The following ANO2 variants were observed in gnomAD, a reference collection of about 807,000 sequenced individuals.
ANO2 encodes anoctamin 2.
A neutral mutation model predicts 124.2 loss-of-function variants in ANO2; 101 were observed. That is an observed-to-expected ratio of 0.81 (90% CI 0.69 to 0.96). ANO2 has a LOEUF of 0.96. ANO2 is among the 40% of genes least tolerant of loss of function. ANO2 has a pLI of 0.00. For missense variants in ANO2, 1,293 were observed against 1,274.5 expected (o/e 1.01, Z -0.22); for synonymous variants, 486 against 482.5 (o/e 1.01, Z -0.09).
In ANO2 at chr12:5,633,777, C is replaced by A. The variant is rs188144565; in HGVS notation, c.1816+1375G>T. Among the ~76,000 whole-genome samples, 789 of 152,274 alleles carry A rather than the reference C, an allele frequency of 5.2e-3. 23 individuals carry two copies. Among genetic ancestry groups the A allele is most frequent in the Admixed American group, 0.043 (654 of 15,298 alleles). ...TGGTGTTTAGCTTGACCAAGACTCT[C>A]CCAACCACCCAAGTGGCTCATTTGC... is the stretch of plus-strand genomic sequence containing the variant. On this transcript the variant is annotated intron_variant, in intron 16 of 24. Coordinates refer to ENST00000682330, the MANE Select transcript of ANO2 (RefSeq NM_001364791.2).
chr12:5,818,530 G>A (rs1854950227), intron 7 of ANO2, among the ~76,000 whole-genome samples: 1 of 122,780 alleles, frequency 8.1e-6, no homozygotes. Flanking sequence ...TATCCTATTA[G>A]TTCTGTCCCT....
Position 5,905,195 on chromosome 12 carries a change from T to C in ANO2, c.534+15845A>G, listed in dbSNP as rs185063620. On this transcript the variant is annotated intron_variant, in intron 3 of 24. Coordinates refer to ENST00000682330, the MANE Select transcript of ANO2 (RefSeq NM_001364791.2). Reference sequence around the variant, plus strand: ...GAATTGAAGGGAGCACCAGGTGCTGTTGCGTGTTAGGGCCGTGTGGCACCT... The same window carrying C: ...GAATTGAAGGGAGCACCAGGTGCTGCTGCGTGTTAGGGCCGTGTGGCACCT... Among the ~76,000 whole-genome samples, 80 of 152,230 alleles carry C rather than the reference T, an allele frequency of 5.3e-4. No individual in the cohort carries two copies. In the East Asian group the frequency reaches 5.8e-3, roughly 11 times the overall value.
At chr12:5,587,965 CCT>C (rs1943203381) in intron 20 of ANO2, among the ~76,000 whole-genome samples, 1 of 152,230 alleles carries the variant, frequency 6.6e-6, no homozygotes, top group Non-Finnish European at 1.5e-5. Context: ...CCGTTGAGGA[CCT>C]GCCCCACCAT....
At chr12:5,812,961 A>AGG (rs1555168086) in intron 7 of ANO2, among the ~76,000 whole-genome samples, 1 of 58,098 alleles carries the variant, frequency 1.7e-5, no homozygotes. Context: ...AAGAAGGAAG[A>AGG]GAGGGAGGGA....
intron 1 of ANO2, among the ~76,000 whole-genome samples, chr12:5,926,214 C>T (rs2136310700): frequency 6.6e-6 from 1 of 152,298 alleles, no homozygotes; most frequent in Non-Finnish European, 1.5e-5. Context: ...AAACTTTACC[C>T]CTGAAATGTC....
intron 3 of ANO2, among the ~76,000 whole-genome samples, 158 bp downstream of exon 3, chr12:5,920,882 T>A (rs11610207): frequency 0.15 from 22,886 of 151,602 alleles, 1,965 homozygotes; most frequent in Middle Eastern, 0.2. Flanking sequence ...AAATTTTTTT[T>A]AAAAAAAGAA....
chr12:5,726,069 GA>G (rs1034658425), intron 14 of ANO2, among the ~76,000 whole-genome samples: 4 of 151,094 alleles, frequency 2.6e-5, no homozygotes, highest in Non-Finnish European at 5.9e-5. Flanking sequence ...GACCTGCAGG[GA>G]AACTTAAGAA....
chr12:5,689,415 T>G (rs922650599), intron 14 of ANO2, among the ~76,000 whole-genome samples: 2 of 152,124 alleles, frequency 1.3e-5, no homozygotes, highest in Non-Finnish European at 2.9e-5. Flanking sequence ...ATGGGAGGCA[T>G]AAATTGGCTT....
chr12:5,774,984 T>C (rs570661009), intron 10 of ANO2, among the ~76,000 whole-genome samples: 1 of 152,294 alleles, frequency 6.6e-6, no homozygotes, highest in Admixed American at 6.5e-5. Flanking sequence ...TACACTGTTT[T>C]TTACATACGT....
intron 4 of ANO2, among the ~76,000 whole-genome samples, chr12:5,844,303 C>G (rs1012310988): frequency 6.6e-6 from 1 of 152,052 alleles, no homozygotes; most frequent in Admixed American, 6.5e-5. Flanking sequence ...ATGGGTAAAC[C>G]CAGAGAAAGC....
chr12:5,666,827 T>C (rs1565542545), intron 14 of ANO2, among the ~76,000 whole-genome samples: 1 of 118,768 alleles, frequency 8.4e-6, no homozygotes, highest in Non-Finnish European at 1.6e-5. Flanking sequence ...CTGATGGGAG[T>C]GTCTTTGTTT....
At chr12:5,884,635 G>A (rs1938751830) in intron 3 of ANO2, among the ~76,000 whole-genome samples, 1 of 152,206 alleles carries the variant, frequency 6.6e-6, no homozygotes, top group South Asian at 2.1e-4. Context: ...GCCTGCCTTG[G>A]GAAGATGGTT....
chr12:5,796,273 G>A (rs920239751), intron 10 of ANO2, among the ~76,000 whole-genome samples: 3 of 144,208 alleles, frequency 2.1e-5, no homozygotes, highest in African/African-American at 5.2e-5. Flanking sequence ...ACCGACACAC[G>A]CATGCACACA....
chr12:5,720,854 T>C (rs1051530214), intron 14 of ANO2, among the ~76,000 whole-genome samples: 2 of 152,156 alleles, frequency 1.3e-5, no homozygotes, highest in Non-Finnish European at 1.5e-5. Flanking sequence ...CCAGTAGAAA[T>C]GTATACAGTG....
At chr12:5,581,071 T>C (rs548693223) in intron 20 of ANO2, among the ~76,000 whole-genome samples, 48 of 152,304 alleles carry the variant, frequency 3.2e-4, no homozygotes, top group African/African-American at 1.1e-3. Context: ...GAATTCACTT[T>C]GGAGTCAGGA....
rs549920461 is a variant in ANO2 at position 5,658,272 on chromosome 12, C to A, written c.1546-10471G>T. ...ACAAAGAGATTGAAAATAGTGCCAA[C>A]GGTATGAGATTGCTGCTATGGAGAT... On this transcript the variant is annotated intron_variant, in intron 14 of 24. Coordinates refer to ENST00000682330, the MANE Select transcript of ANO2 (RefSeq NM_001364791.2). The surrounding 1 kb of genome is among the most constrained non-coding windows in gnomAD (Gnocchi z 4.3). Among the ~76,000 whole-genome samples, 1 of 152,146 alleles carries A rather than the reference C, an allele frequency of 6.6e-6. No homozygotes were observed. Among genetic ancestry groups the A allele is most frequent in the Non-Finnish European group, 1.5e-5 (1 of 68,046 alleles).
intron 11 of ANO2, among the ~76,000 whole-genome samples, chr12:5,749,463 G>C (rs1425761320): frequency 6.6e-6 from 1 of 152,246 alleles, no homozygotes; most frequent in Non-Finnish European, 1.5e-5. Context: ...AATCCAAATG[G>C]AGAAAATATG....
At chr12:5,566,486 G>A (rs1230029085) in intron 23 of ANO2, among the ~76,000 whole-genome samples, 1 of 152,132 alleles carries the variant, frequency 6.6e-6, no homozygotes, top group Non-Finnish European at 1.5e-5. Context: ...AAAATGACAA[G>A]GGGCTGGTAC....
chr12:5,800,148 G>T (rs184598511), intron 9 of ANO2, among the ~76,000 whole-genome samples: 3 of 152,168 alleles, frequency 2.0e-5, no homozygotes, highest in African/African-American at 7.2e-5. Context: ...ACAAAGGAAG[G>T]GGGGAGGGTG....
Sources: allele counts gnomAD v4.1 joint callset (sites outside exome capture counted in the v4.1 genomes callset), GRCh38; gene constraint gnomAD v4.1.1; non-coding constraint Gnocchi (gnomAD v3.1); transcripts MANE v1.5; gene names NCBI Gene and HGNC (gene_info 2026-07-23, HGNC 2026-07-21).